CTIF: variants seen among roughly 807,000 people sequenced by gnomAD.
The protein encoded by CTIF is CBP80/20-dependent translation initiation factor.
Under a neutral mutation model 66.0 loss-of-function variants are expected in CTIF, and 21 were observed. The observed-to-expected ratio is 0.32, with a 90% confidence interval of 0.23 to 0.46. CTIF has a LOEUF of 0.46. Ranked by LOEUF, CTIF falls within the 20% of genes least tolerant of loss-of-function variation. The probability of loss-of-function intolerance (pLI) is 1.00; values close to 1 mark genes in which losing one functional copy is unlikely to be tolerated. For synonymous variants in CTIF, 345 were observed against 326.4 expected (o/e 1.06, Z -0.62); for missense variants, 739 against 812.7 (o/e 0.91, Z 1.10).
intron 10 of CTIF, among the ~76,000 whole-genome samples, chr18:48,849,119 C>T (rs892014227): frequency 6.6e-6 from 1 of 151,100 alleles, no homozygotes; most frequent in Admixed American, 6.6e-5. Flanking sequence ...GGATGCAGCT[C>T]GTCTTCCAGA....
intron 2 of CTIF, among the ~76,000 whole-genome samples, chr18:48,632,932 A>G (rs1249758234): frequency 6.6e-6 from 1 of 152,108 alleles, no homozygotes; most frequent in East Asian, 1.9e-4. Context: ...ATGGCCTTGG[A>G]CAAGGCAGAG....
chr18:48,637,179 TC>T (rs528907572), intron 3 of CTIF, among the ~76,000 whole-genome samples: 51 of 152,108 alleles, frequency 3.4e-4, no homozygotes, highest in African/African-American at 1.2e-3. Flanking sequence ...GACCTGTCCA[TC>T]CCCCCAGCCA....
At chr18:48,573,952 A>G (rs1262026685) in intron 1 of CTIF, among the ~76,000 whole-genome samples, 2 of 152,228 alleles carry the variant, frequency 1.3e-5, no homozygotes, top group Non-Finnish European at 2.9e-5. Context: ...CCCAGGGGGA[A>G]GGCAGTCGCA....
chr18:48,722,206 C>CT (rs34736291), intron 7 of CTIF, among the ~76,000 whole-genome samples: 2,191 of 80,952 alleles, frequency 0.027, 59 homozygotes, highest in Middle Eastern at 0.041. Context: ...TGGCCCTGTG[C>CT]TTTTTTTTTT....
chr18:48,778,860 C>T (rs1203026893), intron 9 of CTIF, among the ~76,000 whole-genome samples: 5 of 152,180 alleles, frequency 3.3e-5, no homozygotes, highest in South Asian at 2.1e-4. Flanking sequence ...TCCAGCAGGT[C>T]GCGCTGGTCC....
chr18:48,797,342 G>T (rs1235951181), intron 9 of CTIF, among the ~76,000 whole-genome samples: 1 of 152,098 alleles, frequency 6.6e-6, no homozygotes, highest in Non-Finnish European at 1.5e-5. Flanking sequence ...AATTAGCTGG[G>T]GGTGGTGGTG....
chr18:48,667,831 G>GT (rs1485920592), intron 5 of CTIF, among the ~76,000 whole-genome samples: 20 of 152,228 alleles, frequency 1.3e-4, no homozygotes, highest in Non-Finnish European at 1.9e-4. Context: ...TTCCCAGGGA[G>GT]TCTGAGTGCA....
rs2068078499 is a variant in CTIF at position 48,803,090 on chromosome 18, G to A, written c.1372-14131G>A. On this transcript the variant is annotated intron_variant, in intron 9 of 11. Coordinates refer to ENST00000256413, the MANE Select transcript of CTIF (RefSeq NM_014772.3). ...TGCTGCAACCCAGCGCCATCCCCCCGCCTCCCTGTCCCCTCCTACGGATCA... is the reference window on the plus strand; with the variant it reads ...TGCTGCAACCCAGCGCCATCCCCCCACCTCCCTGTCCCCTCCTACGGATCA... Among the ~76,000 whole-genome samples, 5 of 152,166 alleles carry A rather than the reference G, an allele frequency of 3.3e-5. No individual in the cohort carries two copies. In the South Asian group the frequency reaches 8.3e-4, roughly 25 times the overall value.
chr18:48,585,928 T>C (rs976091878), intron 1 of CTIF, among the ~76,000 whole-genome samples: 11 of 152,314 alleles, frequency 7.2e-5, no homozygotes, highest in South Asian at 2.1e-4. Flanking sequence ...TAAATCTTTA[T>C]AGTTGAGTTT....
chr18:48,630,011 C>T (rs914914512), intron 2 of CTIF, among the ~76,000 whole-genome samples: 3 of 152,194 alleles, frequency 2.0e-5, no homozygotes, highest in African/African-American at 7.2e-5. Context: ...CGGTCAACTA[C>T]AGTCCAAAAA....
chr18:48,832,952 G>A (rs557073282), intron 10 of CTIF, among the ~76,000 whole-genome samples: 12 of 152,348 alleles, frequency 7.9e-5, no homozygotes, highest in Middle Eastern at 3.4e-3. Flanking sequence ...GGAGGTGGTA[G>A]GGAATGAATT....
intron 1 of CTIF, among the ~76,000 whole-genome samples, chr18:48,569,467 A>G (rs2089360515): frequency 1.3e-5 from 2 of 152,140 alleles, no homozygotes; most frequent in Non-Finnish European, 2.9e-5. Context: ...AATGAAAAAA[A>G]AACAAAAAAA....
rs551641403 is a variant in CTIF at position 48,774,330 on chromosome 18, C to T, written c.1371+12641C>T. 1.2e-4 allele frequency among the ~76,000 whole-genome samples: 18 copies of T among 152,210 alleles called. No homozygotes were observed. In the South Asian group the frequency reaches 3.7e-3, roughly 32 times the overall value. On this transcript the variant is annotated intron_variant, in intron 9 of 11. Transcript: ENST00000256413. The stretch of plus-strand genomic sequence containing the variant: ...TCATGCTGGCTCAGCATGGCTCTGC[C>T]CTTGAAACCCAGAGCCTAGAATAAG...
intron 9 of CTIF, among the ~76,000 whole-genome samples, chr18:48,779,644 C>T (rs992395915): frequency 5.3e-5 from 8 of 152,222 alleles, no homozygotes; most frequent in Non-Finnish European, 8.8e-5. Context: ...GACAGCTTCC[C>T]GGCCAGCGCT....
At chr18:48,647,638 G>T (rs986694508) in intron 3 of CTIF, among the ~76,000 whole-genome samples, 1 of 152,218 alleles carries the variant, frequency 6.6e-6, no homozygotes, top group Non-Finnish European at 1.5e-5. Context: ...AATACAAAAA[G>T]TAATTTGTAA....
Position 48,638,600 on chromosome 18 carries a change from A to G in CTIF, c.252+1915A>G, listed in dbSNP as rs571280450. ...GCCAGATAATATGGGCCCATGGAGC[A>G]GGGCTGGGGGCTTGTGGAGTGGGGT... On this transcript the variant is annotated intron_variant, in intron 3 of 11. Coordinates refer to ENST00000256413, the MANE Select transcript of CTIF (RefSeq NM_014772.3). Among the ~76,000 whole-genome samples, 201 of 152,174 alleles carry G rather than the reference A, an allele frequency of 1.3e-3. 1 individual carries two copies. The highest frequency in any genetic ancestry group is 4.6e-3 in the African/African-American group (190 of 41,532).
Position 48,639,137 on chromosome 18 carries a change from C to T in CTIF, c.252+2452C>T, listed in dbSNP as rs556682743. The stretch of plus-strand genomic sequence containing the variant: ...TCTGCGACGCCCATGCCTGGAGAGC[C>T]GGCTGGGACGGAAGGGAAGGCTCAG... On this transcript the variant is annotated intron_variant, in intron 3 of 11. Coordinates refer to ENST00000256413, the MANE Select transcript of CTIF (RefSeq NM_014772.3). 5.3e-5 allele frequency among the ~76,000 whole-genome samples: 8 copies of T among 152,320 alleles called. No homozygotes were observed. In the South Asian group the frequency reaches 8.3e-4, roughly 16 times the overall value.
intron 6 of CTIF, among the ~76,000 whole-genome samples, chr18:48,676,784 T>A (rs1197241333): frequency 6.6e-6 from 1 of 151,768 alleles, no homozygotes; most frequent in African/African-American, 2.4e-5. Context: ...TCCTCGTTCT[T>A]CTGCTTGGCC....
intron 6 of CTIF, among the ~76,000 whole-genome samples, chr18:48,698,435 A>T (rs114700583): frequency 8.6e-5 from 13 of 152,010 alleles, no homozygotes; most frequent in African/African-American, 2.9e-4. Context: ...CTGGTCTCGA[A>T]CTCCTGGGTT....
Sources: gnomAD v4.1 joint callset for allele counts (sites outside exome capture counted in the v4.1 genomes callset) on GRCh38, gnomAD v4.1.1 for gene constraint, MANE v1.5 for transcripts, NCBI Gene and HGNC (gene_info 2026-07-23, HGNC 2026-07-21) for gene names.